The following RTTN variants were observed in gnomAD, a reference collection of about 807,000 sequenced individuals.
RTTN encodes the protein rotatin.
A neutral mutation model predicts 269.2 loss-of-function variants in RTTN; 182 were observed. The ratio of observed to expected loss-of-function variants is 0.68; its 90% CI spans 0.60 to 0.76. RTTN has a LOEUF of 0.76. Ranked by LOEUF, RTTN falls within the 30% of genes least tolerant of loss-of-function variation. RTTN has a pLI of 0.00. For synonymous variants in RTTN, 1,006 were observed against 963.5 expected (o/e 1.04, Z -0.82); for missense variants, 2,545 against 2,608.6 (o/e 0.98, Z 0.53).
At chr18:70,065,996 G>T in intron 34 of RTTN, 74 bp from the exon 35 acceptor site, 2 of 1,034,802 alleles carry the variant, frequency 1.9e-6, no homozygotes, top group South Asian at 2.0e-5. Flanking sequence ...ATACACACAA[G>T]ATATCCTTAA....
At chr18:70,185,143 T>C (rs1029890397) in intron 10 of RTTN, among the ~76,000 whole-genome samples, 6 of 151,824 alleles carry the variant, frequency 4.0e-5, no homozygotes, top group African/African-American at 1.5e-4. Flanking sequence ...AAAATAATTG[T>C]ATACCCATAA....
intron 23 of RTTN, among the ~76,000 whole-genome samples, chr18:70,133,177 G>C (rs2060039497): frequency 6.6e-6 from 1 of 152,082 alleles, no homozygotes; most frequent in Non-Finnish European, 1.5e-5. Context: ...AGCCAAGACA[G>C]CTCCCAGCAC....
intron 42 of RTTN, 25 bp from the exon 43 acceptor site, chr18:70,028,826 A>C: frequency 6.6e-7 from 1 of 1,511,680 alleles, no homozygotes; most frequent in South Asian, 1.1e-5. Flanking sequence ...AGCAGTTGAA[A>C]ACTGTGAATG....
In RTTN at chr18:70,074,581, CAT is replaced by C. The variant is rs1259030218; in HGVS notation, c.4565-589_4565-588del. On this transcript the variant is annotated intron_variant, in intron 33 of 48. Transcript: ENST00000640769. ...GTTTATTTATACACACATACACACA[CAT>C]GTGGCAAGATGTAAATACTGTAAAA... Among the ~76,000 whole-genome samples, 67 of 152,102 alleles carry C rather than the reference CAT, an allele frequency of 4.4e-4. 2 individuals are homozygous for C. The South Asian group carries it at 0.012, about 26-fold the overall frequency.
At chr18:70,095,061 TTG>T (rs1491322419) in intron 28 of RTTN, among the ~76,000 whole-genome samples, 1 of 42,048 alleles carries the variant, frequency 2.4e-5, no homozygotes, top group Non-Finnish European at 1.5e-4. Context: ...ATGTAATGCC[TTG>T]TTTTTTTTTT....
Position 70,162,088 on chromosome 18 carries a change from G to A in RTTN, c.1929+3974C>T, listed in dbSNP as rs541759352. 3.3e-5 allele frequency among the ~76,000 whole-genome samples: 5 copies of A among 152,246 alleles called. No homozygotes were observed. In the South Asian group the frequency reaches 8.3e-4, roughly 25 times the overall value. On this transcript the variant is annotated intron_variant, in intron 14 of 48. Transcript: ENST00000640769. Reference sequence around the variant, plus strand: ...GTTCACTGCAGCATTACTCACAATAGCAAAGACATGGGATCAACCTAGATG... The same window carrying A: ...GTTCACTGCAGCATTACTCACAATAACAAAGACATGGGATCAACCTAGATG...
Position 70,190,732 on chromosome 18 carries a change from C to T in RTTN, c.1008-13G>A, listed in dbSNP as rs1170099031. ...ACTACTACTTCCACTGCAAGATAAA[C>T]AAATGATAAACCTTGCATACAGAAA... On this transcript the variant is annotated splice_polypyrimidine_tract_variant and intron_variant, in intron 8 of 48. Transcript: ENST00000640769. 1.3e-6 allele frequency: 2 copies of T among 1,580,902 alleles called. No individual in the cohort carries two copies. Among genetic ancestry groups the T allele is most frequent in the African/African-American group, 1.3e-5 (1 of 74,418 alleles).
At chr18:70,185,770 C>T (rs1252499767) in intron 10 of RTTN, among the ~76,000 whole-genome samples, 1 of 151,662 alleles carries the variant, frequency 6.6e-6, no homozygotes, top group Non-Finnish European at 1.5e-5. Flanking sequence ...AAGGGATCTA[C>T]CAGAAAACAA....
intron 32 of RTTN, among the ~76,000 whole-genome samples, chr18:70,077,311 A>AG (rs2058453248): frequency 6.6e-6 from 1 of 151,978 alleles, no homozygotes; most frequent in African/African-American, 2.4e-5. Context: ...ACAACCCAAA[A>AG]TTCACAAACC....
intron 14 of RTTN, among the ~76,000 whole-genome samples, chr18:70,157,647 G>A (rs931880964): frequency 3.3e-5 from 5 of 152,148 alleles, no homozygotes; most frequent in African/African-American, 9.7e-5. Context: ...GAATTCAGAA[G>A]CTGGAAGGCA....
At position 70,192,977 on chromosome 18, in the gene RTTN, C is replaced by G. The variant is rs182092732; in HGVS notation, c.1007+311G>C. 29 of 220,124 alleles carry G rather than the reference C, an allele frequency of 1.3e-4. No individual in the cohort carries two copies. The Admixed American group carries it at 1.3e-3, about 10-fold the overall frequency. The allele number at this position is 220,124 out of a possible 1,614,324, so 13.6% of individuals were successfully genotyped here. On this transcript the variant is annotated intron_variant, in intron 8 of 48. Coordinates refer to ENST00000640769, the MANE Select transcript of RTTN (RefSeq NM_173630.4). ...TGAAAATATAGTTCAGTGTGTCAAA[C>G]ATAGTATCAGAATACTATTATGTGA...
chr18:70,199,470 T>C lies in RTTN; in HGVS notation c.522A>G (p.Thr174=). 6.2e-7 allele frequency: 1 copy of C among 1,613,092 alleles called. No homozygotes were observed. Among genetic ancestry groups the C allele is most frequent in the South Asian group, 1.1e-5 (1 of 91,058 alleles). ...TGGTGGTCAGGGGTAGCCAAGGAAA[T>C]GTAGAAAACTTCAAGCACTTCACAG... The part of the protein sequence containing the change: ...NQTVKCLKFS[T]FPWLPLTTTD... The change falls in exon 5 of 49, where the codon ACA becomes ACG. Residue 174 remains threonine, a synonymous_variant. Transcript: ENST00000640769.
At chr18:70,125,991 C>T (rs1204879746) in intron 25 of RTTN, among the ~76,000 whole-genome samples, 1 of 151,922 alleles carries the variant, frequency 6.6e-6, no homozygotes, top group Non-Finnish European at 1.5e-5. Context: ...GTCTGTGTTG[C>T]CATGATCAAA....
Position 70,051,445 on chromosome 18 carries a change from G to A in RTTN, c.5289C>T (p.Thr1763=), listed in dbSNP as rs745765524. Residue 1763 remains threonine (T), a synonymous_variant, in exon 39 of 49, where the codon ACC becomes ACT. Coordinates refer to ENST00000640769, the MANE Select transcript of RTTN (RefSeq NM_173630.4). ...KAGAITLPFV[T]VALAKHWTAA... ...CTGTCCAGTGCTTGGCCAGGGCCAC[G>A]GTAACAAACGGGAGTGTGATGGCAC... 19 of 1,613,782 alleles carry A rather than the reference G, an allele frequency of 1.2e-5. No individual in the cohort carries two copies. In the South Asian group the frequency reaches 1.4e-4, roughly 12 times the overall value.
intron 6 of RTTN, 50 bp downstream of exon 6, chr18:70,197,574 G>C (rs1193056363): frequency 1.6e-6 from 2 of 1,230,742 alleles, no homozygotes; most frequent in Non-Finnish European, 1.2e-6. Context: ...TTGCTTTATT[G>C]CAAAAAGTTC....
intron 18 of RTTN, among the ~76,000 whole-genome samples, chr18:70,144,429 C>T (rs1472510138): frequency 6.6e-6 from 1 of 152,096 alleles, no homozygotes; most frequent in Admixed American, 6.6e-5. Flanking sequence ...TCAAAGCTAC[C>T]CCCCAGACAA....
At chr18:70,173,540 C>T (rs375675844) in intron 11 of RTTN, among the ~76,000 whole-genome samples, 1 of 148,812 alleles carries the variant, frequency 6.7e-6, no homozygotes, top group Non-Finnish European at 1.5e-5. Context: ...ATATGCTCTA[C>T]AGAATTCTAG....
At chr18:70,113,547 T>C (rs569508635) in intron 27 of RTTN, among the ~76,000 whole-genome samples, 30 of 152,300 alleles carry the variant, frequency 2.0e-4, no homozygotes, top group Admixed American at 7.2e-4. Context: ...CTCCTAATTA[T>C]ATACTCAAGA....
intron 28 of RTTN, among the ~76,000 whole-genome samples, chr18:70,106,998 G>T (rs1441436334): frequency 6.6e-6 from 1 of 152,122 alleles, no homozygotes; most frequent in Non-Finnish European, 1.5e-5. Context: ...AGTAATTTTT[G>T]GATTCAGACA....
Sources: allele counts gnomAD v4.1 joint callset (sites outside exome capture counted in the v4.1 genomes callset), GRCh38; gene constraint gnomAD v4.1.1; transcripts MANE v1.5; gene names NCBI Gene and HGNC (gene_info 2026-07-23, HGNC 2026-07-21).